Variants in CNTN4 observed in about 807,000 individuals in gnomAD.
CNTN4 encodes contactin 4.
A neutral mutation model predicts 122.5 loss-of-function variants in CNTN4; 77 were observed. The observed-to-expected ratio is 0.63, with a 90% confidence interval of 0.52 to 0.76. CNTN4 has a LOEUF of 0.76. CNTN4 is among the 30% of genes least tolerant of loss of function. The pLI is 0.00. For missense variants in CNTN4, 1,256 were observed against 1,259.1 expected (o/e 1.00, Z 0.04); for synonymous variants, 512 against 447.0 (o/e 1.15, Z -1.83).
chr3:2,339,147 T>A (rs2044081530), intron 2 of CNTN4, 31 bp from the exon 3 acceptor site: 1 of 152,158 alleles, frequency 6.6e-6, no homozygotes, highest in Non-Finnish European at 1.5e-5. Flanking sequence ...AAAAAATGTA[T>A]TTATTTGTGT....
chr3:2,334,677 G>T (rs984523668), intron 2 of CNTN4, among the ~76,000 whole-genome samples: 3 of 152,144 alleles, frequency 2.0e-5, no homozygotes, highest in African/African-American at 7.2e-5. Context: ...TAGGAGACTT[G>T]TAATCAATGG....
intron 13 of CNTN4, among the ~76,000 whole-genome samples, chr3:2,979,327 T>C (rs969039293): frequency 6.6e-6 from 1 of 152,056 alleles, no homozygotes; most frequent in African/African-American, 2.4e-5. Context: ...ATATTTGCAT[T>C]TCTAAAGGGC....
intron 13 of CNTN4, 37 bp downstream of exon 13, chr3:2,925,816 T>C: frequency 1.3e-6 from 2 of 1,539,618 alleles, no homozygotes; most frequent in Non-Finnish European, 9.0e-7. Context: ...TTGGTTAACC[T>C]GTAAAAATGT....
At chr3:2,976,309 G>T (rs1693409900) in intron 13 of CNTN4, among the ~76,000 whole-genome samples, 5 of 152,146 alleles carry the variant, frequency 3.3e-5, no homozygotes, top group Admixed American at 6.5e-5. Flanking sequence ...ATCAAACCAG[G>T]TTAAACAAAC....
chr3:2,589,271 G>C (rs2080348121), intron 4 of CNTN4, among the ~76,000 whole-genome samples: 1 of 152,178 alleles, frequency 6.6e-6, no homozygotes, highest in Admixed American at 6.5e-5. Flanking sequence ...CATTCTTAAA[G>C]TCTTGGGGAG....
At chr3:2,590,144 G>A (rs989730614) in intron 4 of CNTN4, among the ~76,000 whole-genome samples, 5 of 152,154 alleles carry the variant, frequency 3.3e-5, no homozygotes, top group African/African-American at 7.2e-5. Context: ...ATTCTGGTTG[G>A]TCTTCCCTCA....
intron 14 of CNTN4, among the ~76,000 whole-genome samples, chr3:2,994,164 C>T (rs999683808): frequency 1.3e-5 from 2 of 152,074 alleles, no homozygotes; most frequent in African/African-American, 4.8e-5. Flanking sequence ...CAGCCTAAAT[C>T]AGCAGAACTG....
chr3:2,481,403 A>T (rs2076002755), intron 3 of CNTN4, among the ~76,000 whole-genome samples: 1 of 152,136 alleles, frequency 6.6e-6, no homozygotes, highest in Non-Finnish European at 1.5e-5. Flanking sequence ...GACCTCCCAA[A>T]GTGCTGGGAT....
intron 3 of CNTN4, among the ~76,000 whole-genome samples, chr3:2,402,543 T>C (rs2046894864): frequency 6.6e-6 from 1 of 152,142 alleles, no homozygotes; most frequent in Non-Finnish European, 1.5e-5. Context: ...TCCCTCCATT[T>C]ATCTGTATTA....
chr3:2,116,338 G>A (rs577757258), intron 2 of CNTN4, among the ~76,000 whole-genome samples: 1 of 152,200 alleles, frequency 6.6e-6, no homozygotes, highest in South Asian at 2.1e-4. Flanking sequence ...CCTGTCCTCA[G>A]CTTGGAAGTG....
intron 2 of CNTN4, among the ~76,000 whole-genome samples, chr3:2,196,878 C>G (rs2037858565): frequency 6.6e-6 from 1 of 151,716 alleles, no homozygotes; most frequent in African/African-American, 2.4e-5. Context: ...AACCTCGTCT[C>G]TACTAAAAAT....
At chr3:2,880,544 A>C (rs1211629411) in intron 8 of CNTN4, among the ~76,000 whole-genome samples, 3 of 152,202 alleles carry the variant, frequency 2.0e-5, no homozygotes, top group Non-Finnish European at 2.9e-5. Context: ...GTGAGTATGC[A>C]CTGAGTCTTT....
intron 12 of CNTN4, among the ~76,000 whole-genome samples, chr3:2,925,278 G>A (rs920682825): frequency 6.6e-6 from 1 of 152,178 alleles, no homozygotes; most frequent in African/African-American, 2.4e-5. Flanking sequence ...AAAAGATGCT[G>A]GGTGTGGTGG....
At chr3:2,458,426 A>G (rs888996088) in intron 3 of CNTN4, among the ~76,000 whole-genome samples, 3 of 152,128 alleles carry the variant, frequency 2.0e-5, no homozygotes, top group African/African-American at 4.8e-5. Flanking sequence ...TAAATAAACT[A>G]TCTTTGTTAG....
intron 4 of CNTN4, among the ~76,000 whole-genome samples, chr3:2,655,290 T>G (rs921896447): frequency 6.6e-6 from 1 of 152,232 alleles, no homozygotes; most frequent in African/African-American, 2.4e-5. Flanking sequence ...AAGAGAAGTC[T>G]TGTCTGTTAA....
chr3:2,856,353 A>G (rs11715403), intron 7 of CNTN4, among the ~76,000 whole-genome samples: 23,113 of 152,202 alleles, frequency 0.15, 1,779 homozygotes, highest in Middle Eastern at 0.26. Flanking sequence ...GACCACATGT[A>G]ATTTTCCTGG....
chr3:2,195,032 A>C (rs188543961), intron 2 of CNTN4, among the ~76,000 whole-genome samples: 29 of 152,012 alleles, frequency 1.9e-4, no homozygotes, highest in Admixed American at 4.6e-4. Flanking sequence ...CCTCCAGTCT[A>C]TCTGAGACTT....
chr3:2,758,225 C>T (rs1033041436), intron 6 of CNTN4, among the ~76,000 whole-genome samples: 9 of 151,930 alleles, frequency 5.9e-5, no homozygotes, highest in Admixed American at 5.2e-4. Flanking sequence ...TGAATAATGC[C>T]GAATAAATGC....
intron 6 of CNTN4, among the ~76,000 whole-genome samples, chr3:2,761,010 T>C (rs1190538471): frequency 6.6e-6 from 1 of 152,186 alleles, no homozygotes; most frequent in Non-Finnish European, 1.5e-5. Context: ...AACTGTTAAA[T>C]AAGCAAGAGG....
Sources: gnomAD v4.1 joint callset for allele counts (sites outside exome capture counted in the v4.1 genomes callset) on GRCh38, gnomAD v4.1.1 for gene constraint, MANE v1.5 for transcripts, NCBI Gene and HGNC (gene_info 2026-07-23, HGNC 2026-07-21) for gene names.